TFDP2: variants seen among roughly 807,000 people sequenced by gnomAD.
TFDP2 encodes transcription factor Dp-2, also known as transcription factor Dp-2 (E2F dimerization partner 2).
In TFDP2, 17 loss-of-function variants were observed where a neutral mutation model predicts 59.3. The ratio of observed to expected loss-of-function variants is 0.29; its 90% CI spans 0.20 to 0.43. The LOEUF (loss-of-function observed/expected upper bound fraction) is 0.43. Ranked by LOEUF, TFDP2 falls within the 20% of genes least tolerant of loss-of-function variation. The pLI is 1.00. For synonymous variants in TFDP2, 180 were observed against 194.7 expected (o/e 0.92, Z 0.63); for missense variants, 391 against 528.8 (o/e 0.74, Z 2.56).
At chr3:141,991,957 G>A (rs1440203392) in intron 6 of TFDP2, among the ~76,000 whole-genome samples, 5 of 151,176 alleles carry the variant, frequency 3.3e-5, no homozygotes, top group African/African-American at 7.3e-5. Context: ...CAGGAGAATC[G>A]CTTGAACCCA....
At chr3:142,093,019 AAACT>A in intron 3 of TFDP2, 38 bp downstream of exon 3, 1 of 1,365,640 alleles carries the variant, frequency 7.3e-7, no homozygotes, top group South Asian at 1.4e-5. Flanking sequence ...AAATGCAATA[AAACT>A]AACTTAATTC....
intron 3 of TFDP2, among the ~76,000 whole-genome samples, chr3:142,031,866 C>G (rs1247364427): frequency 6.6e-6 from 1 of 152,142 alleles, no homozygotes; most frequent in Non-Finnish European, 1.5e-5. Flanking sequence ...TAAAAACTAT[C>G]TATCAGATCT....
intron 1 of TFDP2, among the ~76,000 whole-genome samples, chr3:142,115,190 T>C (rs1300174093): frequency 2.0e-5 from 3 of 152,198 alleles, no homozygotes; most frequent in Non-Finnish European, 4.4e-5. Flanking sequence ...GAAAACATTC[T>C]GGTTATTAAA....
Position 141,993,280 on chromosome 3 carries a change from A to G in TFDP2, c.356+258T>C, listed in dbSNP as rs573110132. Among the ~76,000 whole-genome samples the G allele has an allele frequency of 2.0e-5, 3 of 152,308 alleles. No individual in the cohort carries two copies. The South Asian group carries it at 6.2e-4, about 32-fold the overall frequency. On this transcript the variant is annotated intron_variant, in intron 6 of 12. Coordinates refer to ENST00000489671, the MANE Select transcript of TFDP2 (RefSeq NM_001178139.2). The stretch of plus-strand genomic sequence containing the variant: ...AGTATTCACTTTGATAGAACTCTTC[A>G]TTTACCAGATGGAAAGAGAGGAGAG...
At chr3:142,061,658 T>C (rs531216735) in intron 3 of TFDP2, among the ~76,000 whole-genome samples, 100 of 152,226 alleles carry the variant, frequency 6.6e-4, no homozygotes, top group African/African-American at 2.4e-3. Context: ...CTGAGGCCTC[T>C]GGCCTAGAAT....
rs1935944769 is a variant in TFDP2 at position 141,951,585 on chromosome 3, G to C, written c.*928C>G. 2 of 152,582 alleles carry C rather than the reference G, an allele frequency of 1.3e-5. No homozygotes were observed. Among genetic ancestry groups the C allele is most frequent in the African/African-American group, 4.8e-5 (2 of 41,428 alleles). 9.5% of individuals were successfully genotyped at this position (152,582 alleles called of 1,614,324 possible). Reference sequence around the variant, plus strand: ...GTTCATTTTCACAAATTGCACACTGGGTGAGATCATACAATTACTGCAGGG... The same window carrying C: ...GTTCATTTTCACAAATTGCACACTGCGTGAGATCATACAATTACTGCAGGG... On this transcript the variant is annotated 3_prime_UTR_variant, in exon 13 of 13. Transcript: ENST00000489671.
At chr3:142,140,074 C>CT (rs1486060574) in intron 1 of TFDP2, among the ~76,000 whole-genome samples, 1 of 152,112 alleles carries the variant, frequency 6.6e-6, no homozygotes, top group African/African-American at 2.4e-5. Context: ...TCTTTTTACT[C>CT]TTTTTTCGCT....
At chr3:142,070,247 T>C (rs1210175520) in intron 3 of TFDP2, among the ~76,000 whole-genome samples, 1 of 152,162 alleles carries the variant, frequency 6.6e-6, no homozygotes, top group Non-Finnish European at 1.5e-5. Flanking sequence ...TTCTTAATAC[T>C]CACCAATCTT....
chr3:142,043,667 C>T, intron 3 of TFDP2: 1 of 1,008,782 alleles, frequency 9.9e-7, no homozygotes, highest in South Asian at 1.3e-5. Flanking sequence ...TTGATGATCT[C>T]CTCCTTCTTG....
At chr3:142,126,496 CT>C (rs1218341423) in intron 1 of TFDP2, 2 of 151,906 alleles carry the variant, frequency 1.3e-5, no homozygotes, top group Non-Finnish European at 2.9e-5. Context: ...TTCTATAGTT[CT>C]GAAACTGCAA....
chr3:141,960,167 G>C (rs776817939), intron 10 of TFDP2, among the ~76,000 whole-genome samples: 2 of 152,108 alleles, frequency 1.3e-5, no homozygotes, highest in African/African-American at 2.4e-5. Flanking sequence ...CAAAAGAAAA[G>C]CCTTTCTACT....
intron 3 of TFDP2, among the ~76,000 whole-genome samples, chr3:142,049,367 A>T (rs1458940683): frequency 6.6e-6 from 1 of 152,224 alleles, no homozygotes; most frequent in African/African-American, 2.4e-5. Flanking sequence ...AAGAAGAACT[A>T]CACTATCATC....
At chr3:142,100,996 CCAGT>C (rs1387914461) in intron 2 of TFDP2, among the ~76,000 whole-genome samples, 1 of 151,960 alleles carries the variant, frequency 6.6e-6, no homozygotes, top group Non-Finnish European at 1.5e-5. Flanking sequence ...TGTTTAATTC[CCAGT>C]CAAAGATTCC....
At chr3:141,992,313 AAGAG>A (rs1942864911) in intron 6 of TFDP2, among the ~76,000 whole-genome samples, 1 of 152,192 alleles carries the variant, frequency 6.6e-6, no homozygotes, top group Admixed American at 6.5e-5. Flanking sequence ...CAAATGTAGA[AAGAG>A]AAAGTTGAAC....
chr3:142,073,276 T>C (rs546280609), intron 3 of TFDP2, among the ~76,000 whole-genome samples: 2 of 152,288 alleles, frequency 1.3e-5, no homozygotes, highest in Admixed American at 1.3e-4. Flanking sequence ...TCTCACCATA[T>C]TGCCCAATCT....
intron 6 of TFDP2, among the ~76,000 whole-genome samples, chr3:141,987,949 G>GA (rs1942308592): frequency 8.4e-6 from 1 of 118,856 alleles, no homozygotes; most frequent in Admixed American, 7.8e-5. Context: ...AAAAAAAAAA[G>GA]AAAAGAAAAA....
intron 11 of TFDP2, among the ~76,000 whole-genome samples, chr3:141,958,947 C>CTTTTTTTTTT (rs984082447): frequency 9.6e-6 from 1 of 103,684 alleles, no homozygotes. Context: ...GATGTACCTA[C>CTTTTTTTTTT]TTTTTTTTTT....
chr3:142,061,943 CAG>C (rs1237748478), intron 3 of TFDP2, among the ~76,000 whole-genome samples: 2 of 121,856 alleles, frequency 1.6e-5, no homozygotes, highest in Admixed American at 8.6e-5. Context: ...CACACACACA[CAG>C]AGCTGATATT....
intron 3 of TFDP2, among the ~76,000 whole-genome samples, chr3:142,049,923 T>A (rs1947525743): frequency 6.6e-6 from 1 of 152,148 alleles, no homozygotes; most frequent in Admixed American, 6.5e-5. Context: ...CTGCAATAGA[T>A]TGCTGAAACT....
Sources: gnomAD v4.1 joint callset for allele counts (sites outside exome capture counted in the v4.1 genomes callset) on GRCh38, gnomAD v4.1.1 for gene constraint, MANE v1.5 for transcripts, NCBI Gene and HGNC (gene_info 2026-07-23, HGNC 2026-07-21) for gene names.